The following NEBL variants were observed in gnomAD, a reference collection of about 807,000 sequenced individuals.
The protein encoded by NEBL is LIM and SH3 protein 2.
In NEBL, 122 loss-of-function variants were observed where a neutral mutation model predicts 140.2. The observed-to-expected ratio is 0.87, with a 90% CI of 0.75 to 1.01. The LOEUF (loss-of-function observed/expected upper bound fraction) is 1.01, where lower values mean the gene tolerates loss of function less well. Among genes scored for constraint, NEBL ranks in the 50% least tolerant of loss-of-function variants. NEBL has a pLI of 0.00. For synonymous variants in NEBL, 436 were observed against 398.9 expected (o/e 1.09, Z -1.11); for missense variants, 1,365 against 1,231.3 (o/e 1.11, Z -1.62).
intron 7 of NEBL, among the ~76,000 whole-genome samples, chr10:20,866,162 G>A (rs998813358): frequency 3.3e-5 from 5 of 151,954 alleles, no homozygotes; most frequent in Non-Finnish European, 7.4e-5. Flanking sequence ...CTATAATTGC[G>A]CTCTGAAATC....
At chr10:21,200,345 G>A (rs939274270) in intron 3 of NEBL, among the ~76,000 whole-genome samples, 3 of 110,024 alleles carry the variant, frequency 2.7e-5, no homozygotes, top group East Asian at 2.8e-4. Flanking sequence ...ATGGAGTCTC[G>A]CTCTGTCTTC....
chr10:20,793,540 T>TTTTC (rs1342291755), intron 26 of NEBL, among the ~76,000 whole-genome samples: 1 of 151,178 alleles, frequency 6.6e-6, no homozygotes, highest in South Asian at 2.1e-4. Flanking sequence ...GGTGTCTTAT[T>TTTTC]TTTCTTTCTT....
intron 2 of NEBL, among the ~76,000 whole-genome samples, chr10:21,073,012 G>A (rs988236302): frequency 2.6e-5 from 4 of 151,946 alleles, no homozygotes; most frequent in African/African-American, 9.7e-5. Context: ...AAGGGAGAGA[G>A]AGAGAAGCAG....
chr10:20,992,594 G>T (rs1470220995), intron 3 of NEBL, among the ~76,000 whole-genome samples: 1 of 151,780 alleles, frequency 6.6e-6, no homozygotes. Flanking sequence ...CCTTGCTGAC[G>T]GTCACTATGC....
Position 21,064,843 on chromosome 10 carries a change from A to G in NEBL, c.165-44642T>C, listed in dbSNP as rs1835463894. Among the ~76,000 whole-genome samples the G allele has an allele frequency of 1.3e-5, 2 of 152,178 alleles. 1 individual carries two copies. The highest frequency in any genetic ancestry group is 4.8e-5 in the African/African-American group (2 of 41,440). ...GAGATCTATGGTGAGAGGTGCCATA[A>G]AGACTTACAGACAGATCATAAAAAG... On this transcript the variant is annotated intron_variant, in intron 2 of 6. Transcript: ENST00000417816.
exon 1 of NEBL, among the ~76,000 whole-genome samples, chr10:21,293,009 T>C (rs1843165775): frequency 6.6e-6 from 1 of 152,184 alleles, no homozygotes. Flanking sequence ...TAAAAGAGTC[T>C]CCGTGGTTCC....
intron 4 of NEBL, among the ~76,000 whole-genome samples, chr10:20,947,126 G>T (rs569395631): frequency 7.2e-5 from 11 of 152,300 alleles, no homozygotes; most frequent in Middle Eastern, 3.4e-3. Flanking sequence ...CACCTTGAAA[G>T]TCTGTTTCTG....
At chr10:21,020,121 C>A in exon 3 of NEBL, 1 of 1,613,108 alleles carries the variant, frequency 6.2e-7, no homozygotes, top group Non-Finnish European at 8.5e-7. Flanking sequence ...AGTTACCTGA[C>A]TCTGCAATTC....
chr10:21,173,033 C>A lies in NEBL; in HGVS notation c.70-556G>T, dbSNP rs757549504. Among the ~76,000 whole-genome samples the A allele has an allele frequency of 2.6e-5, 4 of 152,288 alleles. No individual in the cohort carries two copies. The highest frequency in any genetic ancestry group is 9.6e-5 in the African/African-American group (4 of 41,558). On this transcript the variant is annotated intron_variant, in intron 1 of 6. Coordinates refer to the NEBL transcript ENST00000417816. The surrounding 1 kb of genome is among the most constrained non-coding windows in gnomAD (Gnocchi z 5.7). The stretch of plus-strand genomic sequence containing the variant: ...CTAAGGAAGCATTTGTATCTTCAGA[C>A]GCAAATTTCCCCAGAACGCCCCTGG...
chr10:21,120,583 A>G (rs1348744442), intron 2 of NEBL, among the ~76,000 whole-genome samples: 1 of 145,018 alleles, frequency 6.9e-6, no homozygotes. Context: ...TAGGTCACTT[A>G]TTAATTACTA....
intron 4 of NEBL, among the ~76,000 whole-genome samples, chr10:20,902,360 C>T (rs994071513): frequency 2.0e-5 from 3 of 151,650 alleles, no homozygotes; most frequent in African/African-American, 2.4e-5. Context: ...GAGCCAAGAT[C>T]GCACCACTGC....
upstream of NEBL, among the ~76,000 whole-genome samples, chr10:20,898,787 T>C (rs928030032): frequency 1.3e-5 from 2 of 152,146 alleles, no homozygotes; most frequent in Admixed American, 1.3e-4. Context: ...CTAATCTACC[T>C]ACCTACCTAT....
At position 21,173,136 on chromosome 10, in the gene NEBL, G is replaced by A. The variant is rs1459419843; in HGVS notation, c.69+629C>T. Among the ~76,000 whole-genome samples the A allele has an allele frequency of 6.6e-6, 1 of 152,216 alleles. No individual in the cohort carries two copies. The highest frequency in any genetic ancestry group is 2.4e-5 in the African/African-American group (1 of 41,460). On this transcript the variant is annotated intron_variant, in intron 1 of 6. Transcript: ENST00000417816. The surrounding 1 kb of genome is among the most constrained non-coding windows in gnomAD (Gnocchi z 5.7). ...GCTGTTCATCTCCGTCCCTGCCCGG[G>A]AAGGGCAGGGGGCAGGGCTGGAGGG...
intron 2 of NEBL, among the ~76,000 whole-genome samples, chr10:20,894,642 T>C (rs1408327841): frequency 1.3e-5 from 2 of 151,088 alleles, no homozygotes; most frequent in African/African-American, 2.4e-5. Flanking sequence ...AGGCCGGGCA[T>C]GGTGGCTCAC....
At chr10:21,076,751 C>A (rs1405581081) in intron 2 of NEBL, among the ~76,000 whole-genome samples, 5 of 152,138 alleles carry the variant, frequency 3.3e-5, no homozygotes, top group African/African-American at 1.2e-4. Context: ...TTGAAATCAG[C>A]CAGTCACAAA....
chr10:20,870,623 C>T (rs1322175962), intron 5 of NEBL, among the ~76,000 whole-genome samples: 1 of 152,116 alleles, frequency 6.6e-6, no homozygotes, highest in Non-Finnish European at 1.5e-5. Context: ...CAGCATTTGC[C>T]CTTTCAACTA....
chr10:20,945,597 G>C (rs1835116851), intron 4 of NEBL, among the ~76,000 whole-genome samples: 1 of 152,194 alleles, frequency 6.6e-6, no homozygotes, highest in African/African-American at 2.4e-5. Flanking sequence ...ATTCTCCTTA[G>C]GGATGAGAAG....
At chr10:20,897,313 C>T (rs1193666061), upstream of NEBL, 3 of 1,504,224 alleles carry the variant, frequency 2.0e-6, no homozygotes, top group Non-Finnish European at 2.6e-6. Context: ...GGCAGAAATG[C>T]CCTTGCCCAA....
At chr10:20,924,245 C>T (rs978484616) in intron 4 of NEBL, among the ~76,000 whole-genome samples, 9 of 151,820 alleles carry the variant, frequency 5.9e-5, no homozygotes, top group African/African-American at 2.2e-4. Flanking sequence ...GTATAATACA[C>T]AGCCCAAGAT....
Sources: allele counts gnomAD v4.1 joint callset (sites outside exome capture counted in the v4.1 genomes callset), GRCh38; gene constraint gnomAD v4.1.1; non-coding constraint Gnocchi (gnomAD v3.1); transcripts MANE v1.5; gene names NCBI Gene and HGNC (gene_info 2026-07-23, HGNC 2026-07-21).